The following MAG variants were observed in gnomAD, a reference collection of about 807,000 sequenced individuals.
MAG encodes myelin-associated glycoprotein.
In MAG, 30 loss-of-function variants were observed where a neutral mutation model predicts 60.7. The observed-to-expected ratio is 0.49, with a 90% CI of 0.37 to 0.67. The LOEUF (loss-of-function observed/expected upper bound fraction) is 0.67, where lower values mean the gene tolerates loss of function less well. Among genes scored for constraint, MAG ranks in the 30% least tolerant of loss-of-function variants. MAG has a pLI of 0.00. For synonymous variants in MAG, 384 were observed against 376.8 expected (o/e 1.02, Z -0.22); for missense variants, 795 against 851.7 (o/e 0.93, Z 0.83).
chr19:35,300,592 C>A (rs1439093217), intron 6 of MAG, among the ~76,000 whole-genome samples, 188 bp downstream of exon 6: 2 of 152,224 alleles, frequency 1.3e-5, no homozygotes, highest in African/African-American at 2.4e-5. Flanking sequence ...CTGGGGAACA[C>A]CTGCTCTGCC....
intron 7 of MAG, among the ~76,000 whole-genome samples, chr19:35,307,979 A>T (rs1362077349): frequency 1.3e-5 from 2 of 152,126 alleles, no homozygotes; most frequent in East Asian, 3.9e-4. Flanking sequence ...AGCCTGTGTG[A>T]GCCCCAAGGG....
chr19:35,296,161 A>G (rs1015974383), intron 4 of MAG, among the ~76,000 whole-genome samples, 180 bp downstream of exon 4: 4 of 152,240 alleles, frequency 2.6e-5, no homozygotes, highest in Admixed American at 1.3e-4. Flanking sequence ...ACAGACATGA[A>G]CAAAGCAGGG....
chr19:35,308,639 A>T (rs956457365), intron 7 of MAG, among the ~76,000 whole-genome samples: 2 of 152,256 alleles, frequency 1.3e-5, no homozygotes, highest in Non-Finnish European at 2.9e-5. Flanking sequence ...AATTCTGAAC[A>T]TAAAGCTTTA....
intron 7 of MAG, among the ~76,000 whole-genome samples, chr19:35,306,929 C>T (rs1271013462): frequency 1.3e-5 from 2 of 152,224 alleles, no homozygotes; most frequent in Admixed American, 6.5e-5. Context: ...CCACCACAAA[C>T]TCCTCATTCT....
chr19:35,301,713 A>C (rs1344877143), intron 6 of MAG, among the ~76,000 whole-genome samples: 1 of 151,960 alleles, frequency 6.6e-6, no homozygotes, highest in Non-Finnish European at 1.5e-5. Context: ...TACAGGCGTG[A>C]GCCACCACAC....
rs758810712 is a variant in MAG, at chr19:35,310,161, C to A, written c.1519C>A (p.His507Asn). The A allele has an allele frequency of 6.2e-7, 1 of 1,600,366 alleles. No individual in the cohort carries two copies. The highest frequency in any genetic ancestry group is 8.5e-7 in the Non-Finnish European group (1 of 1,170,972). The change falls in exon 8 of 11, where the codon CAT becomes AAT. Residue 507 changes from histidine to asparagine, a missense_variant and splice_region_variant. By Grantham distance (68) the His-to-Asn change is moderately conservative. Coordinates refer to ENST00000392213, the MANE Select transcript of MAG (RefSeq NM_002361.4). ...KSLELPFQGA[H>N]RLMWAKIGPV... ...CCTGGAGCTGCCCTTCCAGGGAGCCCGTGAGTGGCGTGGACTTGGGGTGGG... is the reference window on the plus strand; with the variant it reads ...CCTGGAGCTGCCCTTCCAGGGAGCCAGTGAGTGGCGTGGACTTGGGGTGGG...
Position 35,307,051 on chromosome 19 carries a change from C to T in MAG, c.1232-2823C>T, listed in dbSNP as rs917348107. ...CACCGGCAGGGTGTCGGCGTTCCGC[C>T]GACATCCAGGTCGAACACTTTGTCA... On this transcript the variant is annotated intron_variant, in intron 7 of 10. Transcript: ENST00000392213. 5.3e-5 allele frequency among the ~76,000 whole-genome samples: 8 copies of T among 152,246 alleles called. No individual in the cohort carries two copies. The South Asian group carries it at 6.2e-4, about 12-fold the overall frequency.
chr19:35,311,302 C>T (rs565838480), intron 9 of MAG, among the ~76,000 whole-genome samples: 1 of 151,776 alleles, frequency 6.6e-6, no homozygotes, highest in Admixed American at 6.5e-5. Flanking sequence ...ACCCCATCTA[C>T]AAAAAAACAA....
chr19:35,310,479 C>T, intron 8 of MAG, 68 bp from the exon 9 acceptor site: 2 of 1,369,230 alleles, frequency 1.5e-6, no homozygotes, highest in Non-Finnish European at 1.0e-6. Flanking sequence ...CAGCATGTCT[C>T]CAAAGTTCTC....
At chr19:35,296,261 G>A (rs2066397572) in intron 4 of MAG, among the ~76,000 whole-genome samples, 1 of 152,254 alleles carries the variant, frequency 6.6e-6, no homozygotes, top group Non-Finnish European at 1.5e-5. Flanking sequence ...CCAGGGGGTA[G>A]GGGCAAGGCT....
chr19:35,309,656 G>C, intron 7 of MAG: 1 of 593,356 alleles, frequency 1.7e-6, no homozygotes, highest in South Asian at 2.0e-5. Flanking sequence ...GCGTGGGTTA[G>C]TGAAGCTTGC....
rs142375870 is a variant in MAG at position 35,302,594 on chromosome 19, A to C, written c.1117A>C (p.Ser373Arg). ...KQILSTVIYE[S>R]ELQLELPAVS... is the part of the protein sequence containing the mutation. ...GATCCTGTCCACGGTCATCTACGAG[A>C]GCGAGCTGCAGCTGGAGCTGCCGGC... The change falls in exon 7 of 11, where the codon AGC (serine) becomes CGC (arginine). Residue 373 changes from serine to arginine, a missense_variant. Coordinates refer to ENST00000392213, the MANE Select transcript of MAG (RefSeq NM_002361.4). 237 of 1,614,180 alleles carry C rather than the reference A, an allele frequency of 1.5e-4. No individual in the cohort carries two copies. The Middle Eastern group carries it at 1.5e-3, about 10-fold the overall frequency.
At chr19:35,304,513 T>C (rs11670792) in intron 7 of MAG, among the ~76,000 whole-genome samples, 20,119 of 152,082 alleles carry the variant, frequency 0.13, 1,434 homozygotes, top group South Asian at 0.19. Flanking sequence ...CTACAGCTGT[T>C]TTCTGGTTCA....
chr19:35,312,302 G>T (rs201853023), intron 10 of MAG: 9 of 1,613,368 alleles, frequency 5.6e-6, no homozygotes, highest in Non-Finnish European at 7.6e-6. Flanking sequence ...TTCTACCCTG[G>T]AATCTCACTG....
rs770004368 is a variant in MAG at position 35,311,902 on chromosome 19, G to A, written c.1617-16G>A. On this transcript the variant is annotated splice_polypyrimidine_tract_variant and intron_variant, in intron 9 of 10. Transcript: ENST00000392213. ...AAGGGAGGGCAGAGAGAGGTCTGACGAGTCCTGCCCTGCAGAAAGAACGTG... is the reference window on the plus strand; with the variant it reads ...AAGGGAGGGCAGAGAGAGGTCTGACAAGTCCTGCCCTGCAGAAAGAACGTG... 8 of 1,589,022 alleles carry A rather than the reference G, an allele frequency of 5.0e-6. No individual in the cohort carries two copies. Among genetic ancestry groups the A allele is most frequent in the African/African-American group, 2.7e-5 (2 of 74,288 alleles).
At chr19:35,296,101 T>C in intron 4 of MAG, 120 bp downstream of exon 4, 2 of 1,389,306 alleles carry the variant, frequency 1.4e-6, no homozygotes, top group Non-Finnish European at 1.9e-6. Context: ...TGGGAGGTGC[T>C]GATTTGGCTG....
In MAG at chr19:35,310,136, C is replaced by T; in HGVS notation, c.1494C>T (p.Ser498=). ...CGAGGAACCTCTATGGCGCCAAGAG[C>T]CTGGAGCTGCCCTTCCAGGGAGCCC... ...CTARNLYGAK[S]LELPFQGAHR... Residue 498 remains serine (S), a synonymous_variant, in exon 8 of 11, where the codon AGC becomes AGT. Coordinates refer to ENST00000392213, the MANE Select transcript of MAG (RefSeq NM_002361.4). 6.2e-7 allele frequency: 1 copy of T among 1,608,190 alleles called. No individual in the cohort carries two copies. The highest frequency in any genetic ancestry group is 8.5e-7 in the Non-Finnish European group (1 of 1,175,798).
At position 35,295,991 on chromosome 19, in the gene MAG, C is replaced by A; in HGVS notation, c.415+10C>A. The A allele has an allele frequency of 6.4e-7, 1 of 1,556,344 alleles. No homozygotes were observed. Among genetic ancestry groups the A allele is most frequent in the Admixed American group, 1.9e-5 (1 of 53,304 alleles). On this transcript the variant is annotated intron_variant, in intron 4 of 10. Transcript: ENST00000392213. This position sits in a 1 kb window ranked among gnomAD's most constrained non-coding sequence, Gnocchi z 5.8. ...GTCCTGGATATCGTCAGTGAGTCCC[C>A]AGCGGTTGTGCAGGCACCGGGAGCT...
intron 4 of MAG, among the ~76,000 whole-genome samples, chr19:35,296,315 A>G (rs2066397860): frequency 6.6e-6 from 1 of 152,210 alleles, no homozygotes; most frequent in Non-Finnish European, 1.5e-5. Flanking sequence ...CAAGTGACTT[A>G]ACTTCCTTGG....
Sources: allele counts gnomAD v4.1 joint callset (sites outside exome capture counted in the v4.1 genomes callset), GRCh38; gene constraint gnomAD v4.1.1; non-coding constraint Gnocchi (gnomAD v3.1); transcripts MANE v1.5; gene names NCBI Gene and HGNC (gene_info 2026-07-23, HGNC 2026-07-21).